RNF213: variants seen among roughly 807,000 people sequenced by gnomAD.
RNF213 encodes E3 ubiquitin-protein ligase RNF213.
In RNF213, 341 loss-of-function variants were observed where a neutral mutation model predicts 514.4. The ratio of observed to expected loss-of-function variants is 0.66; its 90% CI spans 0.61 to 0.73. The LOEUF is 0.73. Among genes scored for constraint, RNF213 ranks in the 30% least tolerant of loss-of-function variants. The pLI is 0.00. For missense variants in RNF213, 5,767 were observed against 6,615.6 expected (o/e 0.87, Z 4.45); for synonymous variants, 2,655 against 2,658.2 (o/e 1.00, Z 0.04).
At chr17:80,296,487 GGAAACAC>G in intron 10 of RNF213, among the ~76,000 whole-genome samples, 1 of 152,200 alleles carries the variant, frequency 6.6e-6, no homozygotes, top group Admixed American at 6.5e-5. Flanking sequence ...GTCTAGTTCA[GGAAACAC>G]AGTGTGACTG....
intron 3 of RNF213, among the ~76,000 whole-genome samples, chr17:80,282,015 C>T (rs1017650497): frequency 1.1e-4 from 17 of 152,020 alleles, no homozygotes; most frequent in Non-Finnish European, 2.1e-4. Context: ...TGCCACCACA[C>T]CTGGCTAATT....
intron 46 of RNF213, 168 bp from the exon 47 acceptor site, chr17:80,371,706 T>C: frequency 1.8e-6 from 1 of 569,258 alleles, no homozygotes; most frequent in African/African-American, 1.9e-5. Flanking sequence ...ATTCCTCCAG[T>C]ATTATGCTAA....
chr17:80,261,690 G>A (rs1052186013), intron 1 of RNF213, among the ~76,000 whole-genome samples: 2 of 152,226 alleles, frequency 1.3e-5, no homozygotes, highest in Admixed American at 6.5e-5. Context: ...GCTCTCTCTT[G>A]TGTCTTCCGG....
intron 44 of RNF213, among the ~76,000 whole-genome samples, chr17:80,368,843 A>T (rs2079388892): frequency 6.6e-6 from 1 of 151,910 alleles, no homozygotes; most frequent in Non-Finnish European, 1.5e-5. Context: ...GGCTCTCTGG[A>T]CTCAGCAGGC....
Position 80,386,284 on chromosome 17 carries a change from T to A in RNF213, c.14574T>A (p.Thr4858=). 6.2e-7 allele frequency: 1 copy of A among 1,612,088 alleles called. No individual in the cohort carries two copies. Among genetic ancestry groups the A allele is most frequent in the Non-Finnish European group, 8.5e-7 (1 of 1,179,720 alleles). The change falls in exon 62 of 68, where the codon ACT becomes ACA. Residue 4858 remains threonine, a synonymous_variant. Coordinates refer to ENST00000582970, the MANE Select transcript of RNF213 (RefSeq NM_001256071.3). ...EINLPKDYCS[T]DLDLDTEFEI... is the part of the protein sequence containing the mutation. ...ACCTACCCAAAGACTACTGCAGCACTGACTTGGATCTGGACACTGAGTTTG... is the reference window on the plus strand; with the variant it reads ...ACCTACCCAAAGACTACTGCAGCACAGACTTGGATCTGGACACTGAGTTTG...
intron 20 of RNF213, 119 bp from the exon 21 acceptor site, chr17:80,331,887 G>C (rs2046426245): frequency 8.4e-7 from 1 of 1,190,396 alleles, no homozygotes; most frequent in African/African-American, 1.5e-5. Flanking sequence ...AGAAATCCTA[G>C]CAGCTGTGTG....
chr17:80,298,874 G>A, intron 11 of RNF213: 1 of 304,716 alleles, frequency 3.3e-6, no homozygotes, highest in Non-Finnish European at 6.4e-6. Flanking sequence ...AGCTACTCTG[G>A]AGGCTGAGGT....
chr17:80,383,563 C>A, intron 58 of RNF213, 114 bp from the exon 59 acceptor site: 2 of 1,047,714 alleles, frequency 1.9e-6, no homozygotes, highest in Non-Finnish European at 3.0e-6. Context: ...ATGCTCAGAG[C>A]AGGGGACAAA....
At chr17:80,350,079 G>A (rs116946917) in intron 30 of RNF213, among the ~76,000 whole-genome samples, 173 bp downstream of exon 30, 5,357 of 152,098 alleles carry the variant, frequency 0.035, 123 homozygotes, top group South Asian at 0.065. Flanking sequence ...CTTCTGCAAC[G>A]CGGTGTCTGG....
intron 7 of RNF213, among the ~76,000 whole-genome samples, chr17:80,291,211 T>C (rs2044714992): frequency 6.6e-6 from 1 of 152,156 alleles, no homozygotes; most frequent in Non-Finnish European, 1.5e-5. Context: ...GGTGTCATAT[T>C]CCATCATGGA....
At chr17:80,372,478 TA>T in intron 47 of RNF213, 42 bp from the exon 48 acceptor site, 3 of 1,479,292 alleles carry the variant, frequency 2.0e-6, no homozygotes, top group Non-Finnish European at 2.8e-6. Context: ...CATCCATGTT[TA>T]AAAAAATAAT....
intron 63 of RNF213, among the ~76,000 whole-genome samples, chr17:80,387,397 C>T (rs1430946246): frequency 1.3e-5 from 2 of 152,234 alleles, no homozygotes; most frequent in Admixed American, 1.3e-4. Context: ...TGAGCCACTG[C>T]ACCCAGCTGA....
Position 80,332,280 on chromosome 17 carries a change from A to G in RNF213, c.3792A>G (p.Ser1264=). 2.0e-6 allele frequency: 3 copies of G among 1,537,268 alleles called. No homozygotes were observed. The highest frequency in any genetic ancestry group is 8.7e-7 in the Non-Finnish European group (1 of 1,146,916). ...TGCTGAGTGAGCCCGAAGAAGAATC[A>G]GAAAGGCACATCCTTGAGCTTGAAG... ...AELLSEPEEE[S]ERHILELEEV... is the part of the protein sequence containing the mutation. The change falls in exon 21 of 68, where the codon TCA becomes TCG. Residue 1264 remains serine (S), a synonymous_variant. Transcript: ENST00000582970.
chr17:80,340,567 C>T, intron 26 of RNF213: 2 of 578,288 alleles, frequency 3.5e-6, no homozygotes, highest in Non-Finnish European at 6.2e-6. Flanking sequence ...GAGCCCCATT[C>T]CCTTCCTCCT....
chr17:80,272,934 G>A (rs1183875516), intron 2 of RNF213, among the ~76,000 whole-genome samples: 1 of 152,156 alleles, frequency 6.6e-6, no homozygotes, highest in Non-Finnish European at 1.5e-5. Flanking sequence ...TGCCCGAGGT[G>A]CGCTGACATC....
Position 80,263,580 on chromosome 17 carries a change from A to G in RNF213, c.-102A>G. The G allele has an allele frequency of 1.0e-6, 1 of 980,084 alleles. No individual in the cohort carries two copies. Among genetic ancestry groups the G allele is most frequent in the Non-Finnish European group, 1.7e-6 (1 of 604,032 alleles). The allele number at this position is 980,084 out of a possible 1,614,324, so 60.7% of individuals were successfully genotyped here. A position where few individuals can be genotyped will look rare whatever the true frequency, so the allele number is the denominator to read the frequency against. On this transcript the variant is annotated 5_prime_UTR_variant, in exon 2 of 68. Coordinates refer to ENST00000582970, the MANE Select transcript of RNF213 (RefSeq NM_001256071.3). The surrounding 1 kb of genome is among the most constrained non-coding windows in gnomAD (Gnocchi z 4.9). ...TGTGATTTCACTTTCGCAGAAAATG[A>G]AACTGAAGCCGTGGTCACGTGACAG...
At chr17:80,270,445 GCTT>G (rs1428088102) in intron 2 of RNF213, among the ~76,000 whole-genome samples, 1 of 152,206 alleles carries the variant, frequency 6.6e-6, no homozygotes, top group Non-Finnish European at 1.5e-5. Context: ...CCTGCACAAA[GCTT>G]CTCTGGCCAC....
chr17:80,357,885 G>A (rs576204636), intron 36 of RNF213, among the ~76,000 whole-genome samples: 7 of 152,314 alleles, frequency 4.6e-5, no homozygotes, highest in African/African-American at 1.4e-4. Flanking sequence ...CTACTTGCAC[G>A]GCTGAGGTGG....
intron 3 of RNF213, among the ~76,000 whole-genome samples, chr17:80,274,098 CGCTGGGTGCGTGTCTT>C (rs2043929509): frequency 6.6e-6 from 1 of 151,958 alleles, no homozygotes; most frequent in Non-Finnish European, 1.5e-5. Context: ...CCTGAGCGTC[CGCTGGGTGCGTGTCTT>C]GCGCTTCTGT....
Sources: allele counts gnomAD v4.1 joint callset (sites outside exome capture counted in the v4.1 genomes callset), GRCh38; gene constraint gnomAD v4.1.1; non-coding constraint Gnocchi (gnomAD v3.1); transcripts MANE v1.5; gene names NCBI Gene and HGNC (gene_info 2026-07-23, HGNC 2026-07-21).